The following SEMA3D variants were observed in gnomAD, a reference collection of about 807,000 sequenced individuals.
SEMA3D encodes semaphorin-3D.
Under a neutral mutation model 100.1 loss-of-function variants are expected in SEMA3D, and 84 were observed. The ratio of observed to expected loss-of-function variants is 0.84; its 90% CI spans 0.70 to 1.01. The LOEUF is 1.01. SEMA3D is among the 50% of genes least tolerant of loss of function. SEMA3D has a pLI of 0.00. For synonymous variants in SEMA3D, 312 were observed against 320.7 expected, an observed-to-expected ratio of 0.97 and a Z score of 0.29; for missense variants, 875 against 934.1, an observed-to-expected ratio of 0.94 and a Z score of 0.82.
chr7:85,135,905 A>G (rs935550958), intron 2 of SEMA3D, among the ~76,000 whole-genome samples: 4 of 152,026 alleles, frequency 2.6e-5, no homozygotes, highest in Non-Finnish European at 5.9e-5. Context: ...AAAGCATAAA[A>G]TTAAGTAGAA....
At chr7:85,249,873 G>T in the SEMA3D span, among the ~76,000 whole-genome samples, 2 of 152,184 alleles carry the variant, frequency 1.3e-5, no homozygotes, top group South Asian at 4.1e-4. Flanking sequence ...AGCCAAGATG[G>T]CCGAATAGGA....
At chr7:85,076,114 T>C (rs1791914858) in intron 5 of SEMA3D, among the ~76,000 whole-genome samples, 2 of 152,212 alleles carry the variant, frequency 1.3e-5, no homozygotes, top group African/African-American at 2.4e-5. Flanking sequence ...CCCACAATGT[T>C]GATCATTGCA....
intron 9 of SEMA3D, among the ~76,000 whole-genome samples, chr7:85,045,913 C>G (rs540145288): frequency 6.6e-6 from 1 of 151,732 alleles, no homozygotes; most frequent in Non-Finnish European, 1.5e-5. Flanking sequence ...CTAGTAAAAA[C>G]ATTTTTATTT....
chr7:85,133,690 TTG>T (rs1439372644), intron 2 of SEMA3D, among the ~76,000 whole-genome samples: 1 of 152,026 alleles, frequency 6.6e-6, no homozygotes, highest in African/African-American at 2.4e-5. Context: ...AATTTCTATT[TTG>T]TTACTTATCA....
chr7:85,040,547 G>C (rs1459541061), intron 11 of SEMA3D, 126 bp downstream of exon 11: 2 of 609,228 alleles, frequency 3.3e-6, no homozygotes, highest in Non-Finnish European at 5.9e-6. Flanking sequence ...TAAGTGAAAA[G>C]GTAAAATGAA....
chr7:85,023,443 A>T (rs1361515265), intron 12 of SEMA3D, among the ~76,000 whole-genome samples: 1 of 151,934 alleles, frequency 6.6e-6, no homozygotes, highest in Non-Finnish European at 1.5e-5. Context: ...CAATTTAGGA[A>T]GGTACCTCGT....
intron 12 of SEMA3D, chr7:85,028,092 T>C (rs1212300905): frequency 1.6e-6 from 1 of 623,360 alleles, no homozygotes; most frequent in Non-Finnish European, 3.0e-6. Flanking sequence ...TGATATGACA[T>C]ATTGGCCTTT....
chr7:85,222,669 G>T, the SEMA3D span, among the ~76,000 whole-genome samples: 1 of 152,074 alleles, frequency 6.6e-6, no homozygotes, highest in Non-Finnish European at 1.5e-5. Context: ...AGAAACGAAG[G>T]CATTGCCCTG....
intron 12 of SEMA3D, among the ~76,000 whole-genome samples, chr7:85,022,884 A>T (rs1320318876): frequency 6.6e-6 from 1 of 151,858 alleles, no homozygotes; most frequent in Non-Finnish European, 1.5e-5. Flanking sequence ...ATTTCTTCTG[A>T]AGATTGTTTC....
At chr7:85,003,549 TA>T (rs1789711893) in intron 18 of SEMA3D, among the ~76,000 whole-genome samples, 1 of 151,906 alleles carries the variant, frequency 6.6e-6, no homozygotes, top group African/African-American at 2.4e-5. Context: ...ATATAAAACA[TA>T]AAATGTGTCA....
chr7:85,246,983 C>T, the SEMA3D span, among the ~76,000 whole-genome samples: 1 of 151,772 alleles, frequency 6.6e-6, no homozygotes, highest in Non-Finnish European at 1.5e-5. Context: ...ATACGTAAGT[C>T]GCTGAAAAAT....
At chr7:85,088,571 CA>C (rs1285813812) in intron 4 of SEMA3D, among the ~76,000 whole-genome samples, 1 of 152,032 alleles carries the variant, frequency 6.6e-6, no homozygotes, top group Non-Finnish European at 1.5e-5. Context: ...AGGATTTGAA[CA>C]ACTAAAAGAG....
At chr7:85,003,530 G>A (rs548005164) in intron 18 of SEMA3D, among the ~76,000 whole-genome samples, 1 of 152,002 alleles carries the variant, frequency 6.6e-6, no homozygotes, top group East Asian at 1.9e-4. Flanking sequence ...TAAATCAACA[G>A]ATTTGCCTAT....
chr7:85,081,224 G>A (rs1562809485), intron 5 of SEMA3D, among the ~76,000 whole-genome samples: 1 of 152,038 alleles, frequency 6.6e-6, no homozygotes, highest in Admixed American at 6.6e-5. Flanking sequence ...CTTTTGGATG[G>A]TTTATTTTTG....
At chr7:85,008,550 C>T (rs2115758900) in intron 17 of SEMA3D, among the ~76,000 whole-genome samples, 1 of 151,744 alleles carries the variant, frequency 6.6e-6, no homozygotes, top group East Asian at 1.9e-4. Context: ...CACACACTAT[C>T]ATACACAAAG....
At chr7:85,077,118 A>AT (rs1437620902) in intron 5 of SEMA3D, among the ~76,000 whole-genome samples, 46 of 151,386 alleles carry the variant, frequency 3.0e-4, no homozygotes, top group Admixed American at 1.7e-3. Flanking sequence ...AAAAAAAAAA[A>AT]AAAACTTTAA....
the SEMA3D span, among the ~76,000 whole-genome samples, chr7:85,227,699 C>A: frequency 6.6e-6 from 1 of 151,934 alleles, no homozygotes; most frequent in African/African-American, 2.4e-5. Flanking sequence ...AATATCAGGT[C>A]TGCAGAAAAA....
intron 3 of SEMA3D, among the ~76,000 whole-genome samples, chr7:85,102,746 A>G (rs1000740234): frequency 2.0e-5 from 3 of 152,044 alleles, no homozygotes; most frequent in African/African-American, 7.2e-5. Flanking sequence ...TACGGCAATG[A>G]GAGGAGGAAA....
chr7:85,146,293 A>G lies in SEMA3D; in HGVS notation c.-41+7315T>C, dbSNP rs116229167. ...TCCTTAGCCAGGAGTGGCGTCTCAC[A>G]TGTGTAATCTCAGCACTTTGGGAGG... On this transcript the variant is annotated intron_variant, in intron 2 of 18. Transcript: ENST00000284136. Among the ~76,000 whole-genome samples, 532 of 152,156 alleles carry G rather than the reference A, an allele frequency of 3.5e-3. 3 individuals are homozygous for G. Among genetic ancestry groups the G allele is most frequent in the African/African-American group, 0.012 (504 of 41,528 alleles).
Sources: gnomAD v4.1 joint callset for allele counts (sites outside exome capture counted in the v4.1 genomes callset) on GRCh38, gnomAD v4.1.1 for gene constraint, MANE v1.5 for transcripts, NCBI Gene and HGNC (gene_info 2026-07-23, HGNC 2026-07-21) for gene names.